The following TMEM181 variants were observed in gnomAD, a reference collection of about 807,000 sequenced individuals.
TMEM181 encodes transmembrane protein 181.
Under a neutral mutation model 71.9 loss-of-function variants are expected in TMEM181, and 39 were observed. The ratio of observed to expected loss-of-function variants is 0.54; its 90% CI spans 0.42 to 0.71. The LOEUF (loss-of-function observed/expected upper bound fraction) is 0.71. Ranked by LOEUF, TMEM181 falls within the 30% of genes least tolerant of loss-of-function variation. The pLI, the probability that TMEM181 is intolerant of heterozygous loss-of-function variation, is 0.00. For synonymous variants in TMEM181, 245 were observed against 228.8 expected, an observed-to-expected ratio of 1.07 and a Z score of -0.64; for missense variants, 595 against 583.0, an observed-to-expected ratio of 1.02 and a Z score of -0.21.
chr6:158,572,604 C>T (rs576889659), intron 1 of TMEM181: 47 of 387,194 alleles, frequency 1.2e-4, no homozygotes, highest in Middle Eastern at 8.3e-4. Context: ...CGACAGAGAC[C>T]GGTGTTCCCA....
At chr6:158,564,241 T>C (rs909560665) in intron 1 of TMEM181, among the ~76,000 whole-genome samples, 1 of 152,208 alleles carries the variant, frequency 6.6e-6, no homozygotes, top group Admixed American at 6.5e-5. Flanking sequence ...AAACAGTGAA[T>C]GTGAGGGAGT....
At chr6:158,614,689 A>C (rs1018053103) in intron 10 of TMEM181, among the ~76,000 whole-genome samples, 1 of 151,836 alleles carries the variant, frequency 6.6e-6, no homozygotes, top group Non-Finnish European at 1.5e-5. Context: ...CCCTGTGTCC[A>C]AGTGTTCTCA....
chr6:158,628,341 A>G, intron 13 of TMEM181, 67 bp from the exon 14 acceptor site: 1 of 1,478,192 alleles, frequency 6.8e-7, no homozygotes, highest in Non-Finnish European at 9.4e-7. Context: ...TGAATAGAGA[A>G]TTCTCTGAAG....
chr6:158,602,901 A>G (rs1173021499), intron 6 of TMEM181, among the ~76,000 whole-genome samples: 31 of 152,078 alleles, frequency 2.0e-4, no homozygotes, highest in Admixed American at 1.8e-3. Flanking sequence ...TACTTTGAAA[A>G]TGTTGGTCAC....
intron 10 of TMEM181, chr6:158,610,053 A>G (rs1413386350): frequency 4.5e-6 from 1 of 220,304 alleles, no homozygotes; most frequent in African/African-American, 2.3e-5. Context: ...GAGAACACAC[A>G]TTTTCTCATG....
chr6:158,581,049 G>T, intron 3 of TMEM181, 54 bp downstream of exon 3: 1 of 1,523,112 alleles, frequency 6.6e-7, no homozygotes, highest in Non-Finnish European at 9.1e-7. Flanking sequence ...TAAACCTCAG[G>T]TCACTGAGAA....
At chr6:158,541,280 G>C (rs1189762696) in intron 1 of TMEM181, among the ~76,000 whole-genome samples, 3 of 152,156 alleles carry the variant, frequency 2.0e-5, no homozygotes, top group East Asian at 3.8e-4. Context: ...AGCAGGGCGT[G>C]ATGGCGGGCG....
intron 1 of TMEM181, among the ~76,000 whole-genome samples, chr6:158,569,358 A>C (rs1309965726): frequency 6.6e-6 from 1 of 152,168 alleles, no homozygotes; most frequent in Non-Finnish European, 1.5e-5. Context: ...CCTCTCACCC[A>C]CGAGCCTGTT....
intron 13 of TMEM181, among the ~76,000 whole-genome samples, chr6:158,626,098 G>A (rs1786260070): frequency 6.6e-6 from 1 of 152,222 alleles, no homozygotes; most frequent in Non-Finnish European, 1.5e-5. Context: ...GTGCCCCAGG[G>A]ACAGGACTCT....
At chr6:158,553,686 T>C (rs1369570575) in intron 1 of TMEM181, among the ~76,000 whole-genome samples, 1 of 152,258 alleles carries the variant, frequency 6.6e-6, no homozygotes, top group Non-Finnish European at 1.5e-5. Flanking sequence ...TATTAATATG[T>C]TGGCAATTGT....
intron 1 of TMEM181, among the ~76,000 whole-genome samples, chr6:158,569,893 C>T (rs1403862672): frequency 6.6e-6 from 1 of 152,040 alleles, no homozygotes; most frequent in African/African-American, 2.4e-5. Context: ...CGTGAGCCAC[C>T]GCACCCAGCC....
intron 7 of TMEM181, 71 bp downstream of exon 7, chr6:158,605,418 C>CT: frequency 7.1e-7 from 1 of 1,404,960 alleles, no homozygotes; most frequent in South Asian, 1.2e-5. Flanking sequence ...CAGTTAGGAT[C>CT]TTCGGTGCAA....
intron 1 of TMEM181, among the ~76,000 whole-genome samples, chr6:158,548,520 G>C (rs190317718): frequency 1.3e-5 from 2 of 152,350 alleles, no homozygotes; most frequent in African/African-American, 4.8e-5. Flanking sequence ...AGGCAAACCA[G>C]AATCAGCCAG....
intron 10 of TMEM181, among the ~76,000 whole-genome samples, chr6:158,612,012 A>G (rs1190566101): frequency 2.0e-5 from 3 of 148,620 alleles, no homozygotes; most frequent in African/African-American, 2.5e-5. Context: ...TAGCTTGTCT[A>G]TCTTAGCGCA....
chr6:158,581,341 T>G (rs1367296242), intron 3 of TMEM181, among the ~76,000 whole-genome samples: 1 of 152,252 alleles, frequency 6.6e-6, no homozygotes, highest in East Asian at 1.9e-4. Context: ...GTGTCTCATC[T>G]TATATTTGCC....
At chr6:158,546,467 A>G (rs1337175188) in intron 1 of TMEM181, among the ~76,000 whole-genome samples, 2 of 152,222 alleles carry the variant, frequency 1.3e-5, no homozygotes, top group African/African-American at 4.8e-5. Flanking sequence ...ACCAAAGGGC[A>G]AAAATAGAAC....
intron 1 of TMEM181, among the ~76,000 whole-genome samples, chr6:158,551,256 G>A (rs140210804): frequency 2.4e-3 from 359 of 152,138 alleles, no homozygotes; most frequent in African/African-American, 8.0e-3. Context: ...CACTGTGCCC[G>A]GCTCAATTAT....
intron 4 of TMEM181, 80 bp downstream of exon 4, chr6:158,584,124 A>G (rs1390391966): frequency 1.6e-6 from 2 of 1,215,516 alleles, no homozygotes; most frequent in Admixed American, 4.3e-5. Context: ...CAGAATATTC[A>G]GACAAGCAAG....
At chr6:158,580,817 GA>G (rs1376874203) in intron 2 of TMEM181, 122 bp from the exon 3 acceptor site, 2 of 806,536 alleles carry the variant, frequency 2.5e-6, no homozygotes, top group East Asian at 5.1e-5. Context: ...AATCTCTAAA[GA>G]AAAACCAGGT....
Sources: allele counts gnomAD v4.1 joint callset (sites outside exome capture counted in the v4.1 genomes callset), GRCh38; gene constraint gnomAD v4.1.1; transcripts MANE v1.5; gene names NCBI Gene and HGNC (gene_info 2026-07-23, HGNC 2026-07-21).